Variants in FAM13A observed in about 807,000 individuals in gnomAD.
FAM13A encodes the protein protein FAM13A.
A neutral mutation model predicts 129.6 loss-of-function variants in FAM13A; 76 were observed. That is an observed-to-expected ratio of 0.59 (90% CI 0.49 to 0.71). The LOEUF (loss-of-function observed/expected upper bound fraction) is 0.71, where lower values mean the gene tolerates loss of function less well. Among genes scored for constraint, FAM13A ranks in the 30% least tolerant of loss-of-function variants. FAM13A has a pLI of 0.00. For missense variants in FAM13A, 1,108 were observed against 1,249.3 expected, an observed-to-expected ratio of 0.89 and a Z score of 1.70; for synonymous variants, 443 against 449.9, an observed-to-expected ratio of 0.98 and a Z score of 0.20.
chr4:88,796,114 T>C (rs540636418), intron 8 of FAM13A, among the ~76,000 whole-genome samples: 2 of 151,988 alleles, frequency 1.3e-5, no homozygotes, highest in South Asian at 2.1e-4. Flanking sequence ...TTATTCTGAA[T>C]GTGTGGCTGA....
chr4:88,957,844 T>C (rs1757991386), intron 4 of FAM13A, among the ~76,000 whole-genome samples: 3 of 152,230 alleles, frequency 2.0e-5, no homozygotes, highest in Admixed American at 1.3e-4. Flanking sequence ...TTGGCTGCAC[T>C]CTGCTCATGC....
chr4:88,915,245 T>C (rs555262779), intron 5 of FAM13A, among the ~76,000 whole-genome samples: 1 of 152,320 alleles, frequency 6.6e-6, no homozygotes, highest in South Asian at 2.1e-4. Flanking sequence ...TCAAAATGAA[T>C]CTCAATTTGA....
chr4:88,876,233 A>G (rs899707386), intron 6 of FAM13A, among the ~76,000 whole-genome samples: 3 of 152,198 alleles, frequency 2.0e-5, no homozygotes, highest in Non-Finnish European at 4.4e-5. Flanking sequence ...TGGCACATGT[A>G]TACATATGTA....
intron 10 of FAM13A, among the ~76,000 whole-genome samples, chr4:88,785,118 T>C (rs1723710293): frequency 6.6e-6 from 1 of 152,158 alleles, no homozygotes; most frequent in Non-Finnish European, 1.5e-5. Flanking sequence ...CTTCTACTCA[T>C]CTTGAAACAT....
intron 3 of FAM13A, among the ~76,000 whole-genome samples, chr4:89,020,254 A>G (rs1767065171): frequency 6.7e-6 from 1 of 149,720 alleles, no homozygotes; most frequent in African/African-American, 2.5e-5. Flanking sequence ...TTTACTAAAA[A>G]TAAAACTGGT....
intron 5 of FAM13A, among the ~76,000 whole-genome samples, chr4:88,919,845 T>A (rs1039458817): frequency 6.6e-6 from 1 of 152,224 alleles, no homozygotes. Flanking sequence ...ACTCCCACCC[T>A]AATACTGCGC....
intron 1 of FAM13A, among the ~76,000 whole-genome samples, chr4:89,032,232 G>A (rs879728319): frequency 4.6e-5 from 7 of 150,714 alleles, no homozygotes; most frequent in South Asian, 2.1e-4. Flanking sequence ...GCAACAGAGC[G>A]AGACTCCGTC....
At chr4:89,009,100 A>G (rs1765418578) in intron 3 of FAM13A, 1 of 152,184 alleles carries the variant, frequency 6.6e-6, no homozygotes, top group South Asian at 2.1e-4. Flanking sequence ...ACAAAACAAA[A>G]CACGATCTCT....
intron 2 of FAM13A, among the ~76,000 whole-genome samples, chr4:89,023,940 G>T (rs970712495): frequency 1.3e-5 from 2 of 152,124 alleles, no homozygotes; most frequent in African/African-American, 4.8e-5. Flanking sequence ...AGAAAAGGGG[G>T]ATATTTGGAT....
At chr4:88,846,412 T>C in intron 7 of FAM13A, among the ~76,000 whole-genome samples, 1 of 152,210 alleles carries the variant, frequency 6.6e-6, no homozygotes, top group African/African-American at 2.4e-5. Context: ...AAAGAGCTTT[T>C]CCCCCTCTTC....
At chr4:88,891,958 C>G (rs567278965) in intron 6 of FAM13A, among the ~76,000 whole-genome samples, 1 of 152,072 alleles carries the variant, frequency 6.6e-6, no homozygotes, top group Non-Finnish European at 1.5e-5. Flanking sequence ...GGGAGGAGTG[C>G]TTAAAGCCAG....
intron 21 of FAM13A, among the ~76,000 whole-genome samples, chr4:88,734,323 G>A (rs1738516972): frequency 6.6e-6 from 1 of 152,188 alleles, no homozygotes; most frequent in Non-Finnish European, 1.5e-5. Context: ...CAGCCCCTCT[G>A]CCTGACCCTG....
chr4:88,949,147 TA>T (rs1756489367), intron 4 of FAM13A, among the ~76,000 whole-genome samples: 1 of 152,224 alleles, frequency 6.6e-6, no homozygotes, highest in Non-Finnish European at 1.5e-5. Flanking sequence ...TGATGACGTT[TA>T]TGTGTATAAG....
intron 4 of FAM13A, among the ~76,000 whole-genome samples, chr4:88,947,774 T>G (rs1421572929): frequency 6.6e-6 from 1 of 152,034 alleles, no homozygotes; most frequent in Non-Finnish European, 1.5e-5. Context: ...GAATCCCAAA[T>G]GCAGCTAACT....
At chr4:88,926,006 T>A (rs1189016231) in intron 5 of FAM13A, among the ~76,000 whole-genome samples, 1 of 151,942 alleles carries the variant, frequency 6.6e-6, no homozygotes, top group East Asian at 1.9e-4. Context: ...GAGCAAGTAG[T>A]TTATGCGGGT....
At chr4:88,909,976 C>T (rs935298714) in intron 5 of FAM13A, among the ~76,000 whole-genome samples, 6 of 152,086 alleles carry the variant, frequency 3.9e-5, no homozygotes, top group African/African-American at 1.2e-4. Context: ...TAAGAGACCT[C>T]GGGTTTGTGT....
At chr4:88,879,339 T>C (rs1197209041) in intron 6 of FAM13A, among the ~76,000 whole-genome samples, 2 of 152,228 alleles carry the variant, frequency 1.3e-5, no homozygotes, top group Non-Finnish European at 2.9e-5. Context: ...GCAGGTAGTA[T>C]AACATGCTAT....
chr4:88,753,352 G>A (rs1382824995), intron 14 of FAM13A, among the ~76,000 whole-genome samples: 1 of 152,144 alleles, frequency 6.6e-6, no homozygotes, highest in African/African-American at 2.4e-5. Flanking sequence ...GCTTTATTTT[G>A]TGGCTTTATT....
At chr4:88,732,591 C>T (rs1738072009) in intron 21 of FAM13A, 1 of 155,568 alleles carries the variant, frequency 6.4e-6, no homozygotes, top group Non-Finnish European at 1.4e-5. Flanking sequence ...GTAACCAGTG[C>T]TTGAAAGGAT....
Sources: gnomAD v4.1 joint callset for allele counts (sites outside exome capture counted in the v4.1 genomes callset) on GRCh38, gnomAD v4.1.1 for gene constraint, MANE v1.5 for transcripts, NCBI Gene and HGNC (gene_info 2026-07-23, HGNC 2026-07-21) for gene names.